Variants in CDH12 observed in about 807,000 individuals in gnomAD.
CDH12 encodes the protein cadherin-12.
A neutral mutation model predicts 74.1 loss-of-function variants in CDH12; 41 were observed. The ratio of observed to expected loss-of-function variants is 0.55; its 90% CI spans 0.43 to 0.72. CDH12 has a LOEUF of 0.72. Ranked by LOEUF, CDH12 falls within the 30% of genes least tolerant of loss-of-function variation. The pLI is 0.00. For missense variants in CDH12, 945 were observed against 977.2 expected, an observed-to-expected ratio of 0.97 and a Z score of 0.44; for synonymous variants, 399 against 355.0, an observed-to-expected ratio of 1.12 and a Z score of -1.39.
At chr5:22,555,628 A>G (rs1287243846) in intron 1 of CDH12, among the ~76,000 whole-genome samples, 1 of 152,022 alleles carries the variant, frequency 6.6e-6, no homozygotes, top group Admixed American at 6.6e-5. Context: ...AAACACTTCA[A>G]AATTCTTTAT....
chr5:22,112,281 A>C (rs892077158), intron 4 of CDH12, among the ~76,000 whole-genome samples: 1 of 152,070 alleles, frequency 6.6e-6, no homozygotes, highest in African/African-American at 2.4e-5. Context: ...AAAGTTTTCT[A>C]TTTCAAACTC....
intron 1 of CDH12, among the ~76,000 whole-genome samples, chr5:22,806,261 T>C (rs1169892434): frequency 3.3e-5 from 5 of 152,108 alleles, no homozygotes; most frequent in Non-Finnish European, 7.4e-5. Flanking sequence ...TTGAACTGAT[T>C]TACACTCCCA....
intron 2 of CDH12, among the ~76,000 whole-genome samples, chr5:22,498,985 C>A (rs1292990715): frequency 1.3e-5 from 2 of 149,188 alleles, no homozygotes; most frequent in African/African-American, 4.9e-5. Flanking sequence ...CTCACTGCAA[C>A]CTCTGTCTCC....
chr5:22,313,151 T>G (rs1215171796), intron 3 of CDH12, among the ~76,000 whole-genome samples: 1 of 152,158 alleles, frequency 6.6e-6, no homozygotes, highest in African/African-American at 2.4e-5. Flanking sequence ...AGAATTGTGG[T>G]TGTATATCAC....
At chr5:22,735,165 C>T (rs575675821) in intron 1 of CDH12, among the ~76,000 whole-genome samples, 1 of 151,840 alleles carries the variant, frequency 6.6e-6, no homozygotes, top group Admixed American at 6.6e-5. Flanking sequence ...TGCCACCTAT[C>T]GCAACTACCT....
chr5:22,050,085 T>A (rs753711128), intron 5 of CDH12, among the ~76,000 whole-genome samples: 1 of 152,116 alleles, frequency 6.6e-6, no homozygotes, highest in Non-Finnish European at 1.5e-5. Flanking sequence ...TTGTGCTTCT[T>A]CCGATATTCT....
At chr5:21,832,550 C>T (rs1749081733) in intron 8 of CDH12, among the ~76,000 whole-genome samples, 1 of 151,194 alleles carries the variant, frequency 6.6e-6, no homozygotes, top group Non-Finnish European at 1.5e-5. Flanking sequence ...ACAAGATATA[C>T]CACTATATAT....
chr5:21,863,456 CCA>C (rs1213865692), intron 6 of CDH12, among the ~76,000 whole-genome samples: 1 of 152,114 alleles, frequency 6.6e-6, no homozygotes, highest in Non-Finnish European at 1.5e-5. Flanking sequence ...CAATTTTACA[CCA>C]ACAGCCTTAT....
At chr5:22,599,677 T>C (rs1240323835) in intron 1 of CDH12, among the ~76,000 whole-genome samples, 1 of 152,118 alleles carries the variant, frequency 6.6e-6, no homozygotes, top group East Asian at 1.9e-4. Context: ...GATGGAACTA[T>C]CCTATAAGGA....
At chr5:22,043,901 C>T (rs1314529257) in intron 5 of CDH12, among the ~76,000 whole-genome samples, 1 of 152,036 alleles carries the variant, frequency 6.6e-6, no homozygotes, top group Non-Finnish European at 1.5e-5. Flanking sequence ...GAGCTACACA[C>T]TGAAGACTTT....
intron 1 of CDH12, among the ~76,000 whole-genome samples, chr5:22,526,292 G>A (rs1737275346): frequency 6.6e-6 from 1 of 152,058 alleles, no homozygotes; most frequent in African/African-American, 2.4e-5. Flanking sequence ...TGTAACACAG[G>A]TCAAATTGGC....
At chr5:21,965,930 T>C (rs1299070429) in intron 6 of CDH12, among the ~76,000 whole-genome samples, 1 of 152,114 alleles carries the variant, frequency 6.6e-6, no homozygotes, top group African/African-American at 2.4e-5. Flanking sequence ...TGAGGAATAA[T>C]TTTTGCAGAG....
intron 10 of CDH12, among the ~76,000 whole-genome samples, chr5:21,798,881 C>A (rs775898848): frequency 2.0e-5 from 3 of 152,050 alleles, no homozygotes; most frequent in Non-Finnish European, 2.9e-5. Flanking sequence ...GACATTGGTA[C>A]CAAACGGTGG....
rs148197041 is a variant in CDH12, at chr5:21,766,317, G to A, written c.1394-1218C>T. 3.2e-3 allele frequency among the ~76,000 whole-genome samples: 483 copies of A among 152,036 alleles called. 3 individuals are homozygous for A. The highest frequency in any genetic ancestry group is 3.6e-3 in the African/African-American group (150 of 41,532). Reference sequence around the variant, plus strand: ...TACCTACACAGATAACATAAATTGCGTATAAATAGTATGTTCTTATAATAC... The same window carrying A: ...TACCTACACAGATAACATAAATTGCATATAAATAGTATGTTCTTATAATAC... On this transcript the variant is annotated intron_variant, in intron 11 of 14. Coordinates refer to ENST00000382254, the MANE Select transcript of CDH12 (RefSeq NM_004061.5).
At position 21,879,249 on chromosome 5, in the gene CDH12, A is replaced by G. The variant is rs1752113755; in HGVS notation, c.527-24459T>C. ...AAGCCCACTGAAAACAAATTAAAATATATATGTCATTACTATTTCATAGGA... is the reference window on the plus strand; with the variant it reads ...AAGCCCACTGAAAACAAATTAAAATGTATATGTCATTACTATTTCATAGGA... On this transcript the variant is annotated intron_variant, in intron 6 of 14. Coordinates refer to ENST00000382254, the MANE Select transcript of CDH12 (RefSeq NM_004061.5). Among the ~76,000 whole-genome samples the G allele has an allele frequency of 2.0e-5, 3 of 151,846 alleles. No individual in the cohort carries two copies. The South Asian group carries it at 6.2e-4, about 31-fold the overall frequency.
Position 22,286,660 on chromosome 5 carries a change from A to G in CDH12, c.-332-74017T>C, listed in dbSNP as rs138052827. ...ACAGCATTTTCAGCAAATAAATCAC[A>G]GTTTCATTCTTTCTTTCCTTTTTTT... On this transcript the variant is annotated intron_variant, in intron 3 of 14. Coordinates refer to ENST00000382254, the MANE Select transcript of CDH12 (RefSeq NM_004061.5). Among the ~76,000 whole-genome samples, 1,194 of 136,254 alleles carry G rather than the reference A, an allele frequency of 8.8e-3. 15 individuals carry two copies. The highest frequency in any genetic ancestry group is 0.031 in the African/African-American group (1,122 of 36,672). The allele number at this position is 136,254 out of a possible 152,430, so 89.4% of individuals were successfully genotyped here.
At chr5:22,246,946 G>A (rs1169483244) in intron 3 of CDH12, among the ~76,000 whole-genome samples, 1 of 152,006 alleles carries the variant, frequency 6.6e-6, no homozygotes, top group Non-Finnish European at 1.5e-5. Context: ...AAAGGATAAC[G>A]TTTCATATTC....
chr5:22,526,838 A>G (rs1737307655), intron 1 of CDH12, among the ~76,000 whole-genome samples: 1 of 152,152 alleles, frequency 6.6e-6, no homozygotes, highest in Non-Finnish European at 1.5e-5. Context: ...CTTTTATACT[A>G]TAATATCCCT....
In CDH12 at chr5:22,248,302, A is replaced by AAAT. The variant is rs1160782084; in HGVS notation, c.-332-35662_-332-35660dup. ...TGACAAGAATTTAAACTCCATCTCA[A>AAAT]AATAATAATAATAATAGTAATAATA... is the stretch of plus-strand genomic sequence containing the variant. On this transcript the variant is annotated intron_variant, in intron 3 of 14. Coordinates refer to ENST00000382254, the MANE Select transcript of CDH12 (RefSeq NM_004061.5). Among the ~76,000 whole-genome samples the AAAT allele has an allele frequency of 6.6e-5, 10 of 151,710 alleles. No individual in the cohort carries two copies. The South Asian group carries it at 8.3e-4, about 13-fold the overall frequency.
Sources: allele counts gnomAD v4.1 joint callset (sites outside exome capture counted in the v4.1 genomes callset), GRCh38; gene constraint gnomAD v4.1.1; transcripts MANE v1.5; gene names NCBI Gene and HGNC (gene_info 2026-07-23, HGNC 2026-07-21).